ST3GAL3: variants seen among roughly 807,000 people sequenced by gnomAD.
ST3GAL3 encodes the protein ST3 beta-galactoside alpha-2,3-sialyltransferase 3, also known as CMP-N-acetylneuraminate-beta-1,4-galactoside alpha-2,3-sialyltransferase.
Under a neutral mutation model 50.1 loss-of-function variants are expected in ST3GAL3, and 21 were observed. The ratio of observed to expected loss-of-function variants is 0.42; its 90% CI spans 0.30 to 0.60. The LOEUF (loss-of-function observed/expected upper bound fraction) is 0.60. ST3GAL3 is among the 20% of genes least tolerant of loss of function. ST3GAL3 has a pLI of 0.19. For synonymous variants in ST3GAL3, 183 were observed against 190.0 expected (o/e 0.96, Z 0.30); for missense variants, 353 against 489.4 (o/e 0.72, Z 2.63).
At chr1:43,912,726 T>C (rs2081143665) in intron 9 of ST3GAL3, 1 of 152,226 alleles carries the variant, frequency 6.6e-6, no homozygotes, top group Non-Finnish European at 1.5e-5. Flanking sequence ...AGGAGCCTGG[T>C]GGGGAAAGTG....
At chr1:43,820,511 C>G (rs1156733187) in intron 4 of ST3GAL3, among the ~76,000 whole-genome samples, 1 of 152,158 alleles carries the variant, frequency 6.6e-6, no homozygotes, top group Non-Finnish European at 1.5e-5. Flanking sequence ...ACAGAGTACA[C>G]AGACAGCCTA....
chr1:43,876,144 T>A (rs2074074163), intron 5 of ST3GAL3, among the ~76,000 whole-genome samples: 1 of 151,946 alleles, frequency 6.6e-6, no homozygotes, highest in Admixed American at 6.6e-5. Context: ...TTAAATTTTT[T>A]GTAGAGACAG....
At chr1:43,880,366 A>G (rs2074900120) in intron 5 of ST3GAL3, among the ~76,000 whole-genome samples, 1 of 152,144 alleles carries the variant, frequency 6.6e-6, no homozygotes. Context: ...CAGGTTCTCC[A>G]TACCTCTAAG....
chr1:43,883,718 T>C (rs1408182251), intron 5 of ST3GAL3, among the ~76,000 whole-genome samples: 1 of 152,184 alleles, frequency 6.6e-6, no homozygotes, highest in Non-Finnish European at 1.5e-5. Context: ...GGTGCCAGGC[T>C]GAAGTTCCTC....
chr1:43,927,121 G>A (rs1435625011), intron 11 of ST3GAL3, among the ~76,000 whole-genome samples: 1 of 152,164 alleles, frequency 6.6e-6, no homozygotes, highest in Non-Finnish European at 1.5e-5. Flanking sequence ...CCTGAGGTCG[G>A]GAGTTCGAGA....
chr1:43,823,402 G>C (rs971301636), intron 4 of ST3GAL3, among the ~76,000 whole-genome samples: 1 of 151,920 alleles, frequency 6.6e-6, no homozygotes, highest in African/African-American at 2.4e-5. Context: ...ACCTGTTCCC[G>C]CCTCAGACTC....
chr1:43,765,889 T>G (rs1231720125), intron 2 of ST3GAL3, among the ~76,000 whole-genome samples: 6 of 150,994 alleles, frequency 4.0e-5, no homozygotes, highest in African/African-American at 1.5e-4. Context: ...AAAAACAAGC[T>G]CCTCTTTCCC....
chr1:43,718,571 C>T (rs764125910), intron 1 of ST3GAL3, among the ~76,000 whole-genome samples: 1 of 151,360 alleles, frequency 6.6e-6, no homozygotes, highest in Non-Finnish European at 1.5e-5. Context: ...TACTGAAAGC[C>T]TTCCTAATGT....
intron 3 of ST3GAL3, among the ~76,000 whole-genome samples, chr1:43,802,600 C>T (rs2059437635): frequency 6.6e-6 from 1 of 152,236 alleles, no homozygotes; most frequent in Admixed American, 6.5e-5. Context: ...GCTGTGCTCC[C>T]CTGGGAGTCC....
chr1:43,727,605 A>G (rs979963704), intron 1 of ST3GAL3, among the ~76,000 whole-genome samples: 3 of 152,236 alleles, frequency 2.0e-5, no homozygotes, highest in Non-Finnish European at 2.9e-5. Flanking sequence ...TTCAGAAGGC[A>G]GGTGCCTGCA....
At chr1:43,911,686 TATGGA>T (rs1453370223) in intron 9 of ST3GAL3, among the ~76,000 whole-genome samples, 11 of 149,442 alleles carry the variant, frequency 7.4e-5, no homozygotes, top group South Asian at 4.3e-4. Context: ...TAGATATAGA[TATGGA>T]TTTTTTTTTT....
At chr1:43,856,616 G>T (rs2068435292) in intron 5 of ST3GAL3, among the ~76,000 whole-genome samples, 1 of 152,230 alleles carries the variant, frequency 6.6e-6, no homozygotes. Context: ...AGAGTAGCCT[G>T]CATGGGCTAG....
intron 4 of ST3GAL3, among the ~76,000 whole-genome samples, chr1:43,818,540 T>C (rs532038782): frequency 2.6e-5 from 4 of 152,082 alleles, no homozygotes; most frequent in Non-Finnish European, 5.9e-5. Flanking sequence ...CAGTAAAAAA[T>C]AACTAAACAC....
chr1:43,764,555 G>A (rs1460173952), intron 2 of ST3GAL3, among the ~76,000 whole-genome samples: 8 of 152,176 alleles, frequency 5.3e-5, no homozygotes, highest in African/African-American at 1.9e-4. Context: ...GAAAGGAAAT[G>A]AGGAAGAAGG....
intron 2 of ST3GAL3, among the ~76,000 whole-genome samples, chr1:43,756,895 C>A (rs1212709248): frequency 6.6e-6 from 1 of 152,006 alleles, no homozygotes; most frequent in African/African-American, 2.4e-5. Flanking sequence ...GTTACTAAAT[C>A]TCCCCAATGT....
chr1:43,766,674 G>A (rs1435176616), intron 2 of ST3GAL3, among the ~76,000 whole-genome samples: 1 of 152,082 alleles, frequency 6.6e-6, no homozygotes, highest in Non-Finnish European at 1.5e-5. Flanking sequence ...GGTGAGGTGT[G>A]GAGTTTAGAT....
At chr1:43,720,292 G>C (rs1669779449) in intron 1 of ST3GAL3, among the ~76,000 whole-genome samples, 1 of 152,166 alleles carries the variant, frequency 6.6e-6, no homozygotes, top group South Asian at 2.1e-4. Flanking sequence ...CTCATTCACT[G>C]CTGTTGGGAA....
Position 43,733,227 on chromosome 1 carries a change from C to T in ST3GAL3, c.-30-3006C>T, listed in dbSNP as rs767820652. Among the ~76,000 whole-genome samples the T allele has an allele frequency of 6.8e-4, 104 of 152,278 alleles. No individual in the cohort carries two copies. The Middle Eastern group carries it at 0.017, about 25-fold the overall frequency. ...TCTTGCCCAGGCTGGTCTCGAACTC[C>T]TGGGCTCATGCAGTCCTCCTACTTC... is the stretch of plus-strand genomic sequence containing the variant. On this transcript the variant is annotated intron_variant, in intron 1 of 11. Coordinates refer to ENST00000347631, the MANE Select transcript of ST3GAL3 (RefSeq NM_006279.5).
At chr1:43,862,347 A>G (rs2070205785) in intron 5 of ST3GAL3, among the ~76,000 whole-genome samples, 1 of 152,190 alleles carries the variant, frequency 6.6e-6, no homozygotes, top group South Asian at 2.1e-4. Flanking sequence ...TGTATACCAC[A>G]TTATAATTCC....
Sources: gnomAD v4.1 joint callset for allele counts (sites outside exome capture counted in the v4.1 genomes callset) on GRCh38, gnomAD v4.1.1 for gene constraint, MANE v1.5 for transcripts, NCBI Gene and HGNC (gene_info 2026-07-23, HGNC 2026-07-21) for gene names.